ERF: variants seen among roughly 807,000 people sequenced by gnomAD.
The protein encoded by ERF is ETS domain-containing transcription factor ERF.
ERF carries 10 observed loss-of-function variants against 41.6 expected under a neutral mutation model. That is an observed-to-expected ratio of 0.24 (90% CI 0.15 to 0.41). ERF has a LOEUF of 0.41. ERF is among the 10% of genes least tolerant of loss of function. ERF has a pLI of 1.00. For missense variants in ERF, 621 were observed against 763.2 expected, an observed-to-expected ratio of 0.81 and a Z score of 2.19; for synonymous variants, 395 against 342.4, an observed-to-expected ratio of 1.15 and a Z score of -1.70.
chr19:42,254,419 C>G (rs955431567), intron 1 of ERF: 3 of 151,820 alleles, frequency 2.0e-5, no homozygotes, highest in African/African-American at 7.3e-5. Context: ...TCGGCGAGGG[C>G]GGGGGAGCGA....
At position 42,249,606 on chromosome 19, in the gene ERF, G is replaced by A; in HGVS notation, c.506C>T (p.Ser169Leu). 1.2e-6 allele frequency: 2 copies of A among 1,613,622 alleles called. No homozygotes were observed. Among genetic ancestry groups the A allele is most frequent in the Non-Finnish European group, 8.5e-7 (1 of 1,179,882 alleles). The change falls in exon 4 of 4, where the codon TCA (serine) becomes TTA (leucine). Residue 169 changes from serine (S) to leucine (L), a missense_variant. Coordinates refer to ENST00000222329, the MANE Select transcript of ERF (RefSeq NM_006494.4). The surrounding 1 kb of genome is among the most constrained non-coding windows in gnomAD (Gnocchi z 8.6). ...CACCACAGCCGAGAAGAGGGAAGAT[G>A]AAGATGAAGAGCAGGCTGGTGGTGA... ...PRSPPACSSS[S>L]SSLFSAVVAR...
intron 1 of ERF, chr19:42,254,736 C>G: frequency 7.8e-6 from 3 of 386,682 alleles, no homozygotes; most frequent in Non-Finnish European, 9.2e-6. Flanking sequence ...TGCGGGGTCC[C>G]GGTAGGGATA....
chr19:42,248,452 C>G lies in ERF; in HGVS notation c.*13G>C, dbSNP rs1311345116. ...GGGGGGTGCGGGGCACACAGGTCCC[C>G]TGCCCACAGCCCTCAGGAGTCTCGG... On this transcript the variant is annotated 3_prime_UTR_variant, in exon 4 of 4. Coordinates refer to ENST00000222329, the MANE Select transcript of ERF (RefSeq NM_006494.4). The surrounding 1 kb of genome is among the most constrained non-coding windows in gnomAD (Gnocchi z 4.2). The G allele has an allele frequency of 2.0e-6, 3 of 1,480,690 alleles. No individual in the cohort carries two copies. The highest frequency in any genetic ancestry group is 1.8e-6 in the Non-Finnish European group (2 of 1,116,404). The allele number at this position is 1,480,690 out of a possible 1,614,324, so 91.7% of individuals were successfully genotyped here.
intron 1 of ERF, chr19:42,253,903 T>A: frequency 9.4e-7 from 1 of 1,068,676 alleles, no homozygotes; most frequent in Non-Finnish European, 1.1e-6. Flanking sequence ...AGGAAACAAG[T>A]TTGAACAGCG....
Position 42,249,745 on chromosome 19 carries a change from G to A in ERF, c.374-7C>T, listed in dbSNP as rs2036412507. The A allele has an allele frequency of 4.4e-6, 7 of 1,608,182 alleles. No homozygotes were observed. In the East Asian group the frequency reaches 8.9e-5, roughly 21 times the overall value. ...CTCTGGGGCACTGCACCCCCTGGCA[G>A]AAGGGAGACAGTGTCAAGGCCCCTG... On this transcript the variant is annotated splice_polypyrimidine_tract_variant and splice_region_variant and intron_variant, in intron 3 of 3. Coordinates refer to ENST00000222329, the MANE Select transcript of ERF (RefSeq NM_006494.4). This position sits in a 1 kb window ranked among gnomAD's most constrained non-coding sequence, Gnocchi z 8.6.
chr19:42,253,732 C>G, intron 1 of ERF: 1 of 407,154 alleles, frequency 2.5e-6, no homozygotes, highest in Non-Finnish European at 3.3e-6. Context: ...CAGCTCGGAG[C>G]CCTTTAAGAT....
intron 1 of ERF, among the ~76,000 whole-genome samples, chr19:42,251,978 T>C (rs547933056): frequency 2.0e-5 from 3 of 152,200 alleles, no homozygotes; most frequent in East Asian, 3.9e-4. Context: ...CCTCCAGCTG[T>C]TCACAGACCA....
chr19:42,249,733 C>A lies in ERF; in HGVS notation c.379G>T (p.Ala127Ser). ...PFIDVGLAGGAVPQSAPPVPS... is the reference protein window; with the variant it reads ...PFIDVGLAGGSVPQSAPPVPS... The stretch of plus-strand genomic sequence containing the variant: ...ACTGGCGGGGCACTCTGGGGCACTG[C>A]ACCCCCTGGCAGAAGGGAGACAGTG... Residue 127 changes from alanine to serine, a missense_variant, in exon 4 of 4, where the codon GCA (alanine) becomes TCA (serine). By Grantham distance (99) the Ala-to-Ser change is moderately conservative. This residue lies in a region of ERF where 569 missense variants were observed against 625.5 expected (regional missense o/e 0.91). Coordinates refer to ENST00000222329, the MANE Select transcript of ERF (RefSeq NM_006494.4). This position sits in a 1 kb window ranked among gnomAD's most constrained non-coding sequence, Gnocchi z 8.6. 6.2e-7 allele frequency: 1 copy of A among 1,603,814 alleles called. No individual in the cohort carries two copies. The highest frequency in any genetic ancestry group is 8.5e-7 in the Non-Finnish European group (1 of 1,173,486).
rs761176339 is a variant in ERF at position 42,255,036 on chromosome 19, C to T, written c.-37G>A. On this transcript the variant is annotated 5_prime_UTR_variant, in exon 1 of 4. Coordinates refer to ENST00000222329, the MANE Select transcript of ERF (RefSeq NM_006494.4). ...CGGGGCGAAGCGCCCCGATTCCGGG[C>T]CGCGGCTCCCGGCGCCCTCGCTGCC... 46 of 1,372,446 alleles carry T rather than the reference C, an allele frequency of 3.4e-5. No individual in the cohort carries two copies. The highest frequency in any genetic ancestry group is 4.2e-5 in the Non-Finnish European group (45 of 1,063,514). 85.0% of individuals were successfully genotyped at this position (1,372,446 alleles called of 1,614,324 possible). A position where few individuals can be genotyped will look rare whatever the true frequency, so the allele number is the denominator to read the frequency against.
chr19:42,250,609 G>C lies in ERF; in HGVS notation c.23-44C>G. On this transcript the variant is annotated intron_variant, in intron 1 of 3. Transcript: ENST00000222329. This position sits in a 1 kb window ranked among gnomAD's most constrained non-coding sequence, Gnocchi z 5.1. ...GAGTGGCCTGGGGTCAGGCTGCCAA[G>C]TCCAGGGCTCTGGGTCCCATCCCAG... is the stretch of plus-strand genomic sequence containing the variant. 1 of 1,589,020 alleles carries C rather than the reference G, an allele frequency of 6.3e-7. No individual in the cohort carries two copies. Among genetic ancestry groups the C allele is most frequent in the Non-Finnish European group, 8.6e-7 (1 of 1,165,684 alleles).
chr19:42,254,002 C>T (rs886787382), intron 1 of ERF: 1 of 957,726 alleles, frequency 1.0e-6, no homozygotes, highest in Non-Finnish European at 1.2e-6. Flanking sequence ...GACCCCTCCC[C>T]CTGCGCGCTC....
At chr19:42,254,172 G>C (rs967930613) in intron 1 of ERF, among the ~76,000 whole-genome samples, 1 of 151,814 alleles carries the variant, frequency 6.6e-6, no homozygotes, top group African/African-American at 2.4e-5. Flanking sequence ...GGGGAAGAGA[G>C]GGGCGGAGGG....
Position 42,249,800 on chromosome 19 carries a change from T to C in ERF, c.373+27A>G. The C allele has an allele frequency of 6.2e-7, 1 of 1,614,068 alleles. No homozygotes were observed. The highest frequency in any genetic ancestry group is 8.5e-7 in the Non-Finnish European group (1 of 1,179,978). On this transcript the variant is annotated intron_variant, in intron 3 of 3. Coordinates refer to ENST00000222329, the MANE Select transcript of ERF (RefSeq NM_006494.4). The surrounding 1 kb of genome is among the most constrained non-coding windows in gnomAD (Gnocchi z 8.6). Reference sequence around the variant, plus strand: ...AGCCTGAAGGGGCATGTAGACCCTCTCCACACCAACCATCCCTGGTACTCA... The same window carrying C: ...AGCCTGAAGGGGCATGTAGACCCTCCCCACACCAACCATCCCTGGTACTCA...
At position 42,248,482 on chromosome 19, in the gene ERF, C is replaced by G. The variant is rs758014519; in HGVS notation, c.1630G>C (p.Glu544Gln). ...LQHATAQLSL[E>Q]HRDS is the part of the protein sequence containing the mutation. ...CACAGCCCTCAGGAGTCTCGGTGCT[C>G]CAGGGAGAGCTGGGCCGTGGCATGC... Residue 544 changes from glutamate (E) to glutamine (Q), a missense_variant, in exon 4 of 4, where the codon GAG (glutamate) becomes CAG (glutamine). Physicochemically the swap from Glu to Gln is conservative, Grantham distance 29 (BLOSUM62 2). Around this residue, in one of 3 missense-constraint regions of ERF, gnomAD observed 569 missense variants for 625.5 expected, o/e 0.91. Transcript: ENST00000222329. The surrounding 1 kb of genome is among the most constrained non-coding windows in gnomAD (Gnocchi z 4.2). 6.6e-7 allele frequency: 1 copy of G among 1,504,264 alleles called. No individual in the cohort carries two copies. Among genetic ancestry groups the G allele is most frequent in the African/African-American group, 1.4e-5 (1 of 71,300 alleles). The allele number at this position is 1,504,264 out of a possible 1,614,324, so 93.2% of individuals were successfully genotyped here. A position where few individuals can be genotyped will look rare whatever the true frequency, so the allele number is the denominator to read the frequency against.
At position 42,248,585 on chromosome 19, in the gene ERF, C is replaced by G. The variant is rs1348498073; in HGVS notation, c.1527G>C (p.Glu509Asp). Residue 509 changes from glutamate (E) to aspartate (D), a missense_variant, in exon 4 of 4, where the codon GAG becomes GAC. This residue lies in a region of ERF where 569 missense variants were observed against 625.5 expected (regional missense o/e 0.91). Coordinates refer to ENST00000222329, the MANE Select transcript of ERF (RefSeq NM_006494.4). The surrounding 1 kb of genome is among the most constrained non-coding windows in gnomAD (Gnocchi z 4.2). The stretch of plus-strand genomic sequence containing the variant: ...GCCCCTCCCCACGCACCTTCTTGTC[C>G]TCACCCTCATCCTCAAAGCCCCCAG... ...GPAGGFEDEGEDKKVRGEGPG... is the reference protein window; with the variant it reads ...GPAGGFEDEGDDKKVRGEGPG... 6.3e-7 allele frequency: 1 copy of G among 1,586,080 alleles called. No homozygotes were observed. Among genetic ancestry groups the G allele is most frequent in the Admixed American group, 1.8e-5 (1 of 56,430 alleles).
chr19:42,253,793 G>A, intron 1 of ERF: 1 of 808,452 alleles, frequency 1.2e-6, no homozygotes, highest in Non-Finnish European at 1.5e-6. Context: ...AATGGGGTGG[G>A]AATGGGGTGG....
In ERF at chr19:42,248,706, C is replaced by T. The variant is rs990909606; in HGVS notation, c.1406G>A (p.Gly469Asp). 14 of 1,612,384 alleles carry T rather than the reference C, an allele frequency of 8.7e-6. No homozygotes were observed. The highest frequency in any genetic ancestry group is 1.2e-5 in the Non-Finnish European group (14 of 1,179,036). Residue 469 changes from glycine to aspartate, a missense_variant, in exon 4 of 4, where the codon GGC (glycine) becomes GAC (aspartate). Gly to Asp is a moderately conservative substitution (Grantham distance 94, BLOSUM62 -1). Transcript: ENST00000222329. This position sits in a 1 kb window ranked among gnomAD's most constrained non-coding sequence, Gnocchi z 4.2. ...APPAPPKPEP[G>D]EAPGASQCMP... is the part of the protein sequence containing the mutation. ...GCACTGGGATGCCCCGGGTGCCTCG[C>T]CGGGCTCAGGCTTAGGGGGTGCAGG...
In ERF at chr19:42,249,263, C is replaced by T. The variant is rs926581068; in HGVS notation, c.849G>A (p.Leu283=). ...THLAYTPSPT[L]SPMYPSGGGG... ...CGCCACCACTGGGGTACATCGGGCT[C>T]AGCGTGGGCGAGGGAGTGTAGGCCA... The change falls in exon 4 of 4, where the codon CTG becomes CTA. Residue 283 remains leucine (L), a synonymous_variant. Coordinates refer to ENST00000222329, the MANE Select transcript of ERF (RefSeq NM_006494.4). This position sits in a 1 kb window ranked among gnomAD's most constrained non-coding sequence, Gnocchi z 8.6. 2 of 1,610,456 alleles carry T rather than the reference C, an allele frequency of 1.2e-6. No individual in the cohort carries two copies. Among genetic ancestry groups the T allele is most frequent in the Non-Finnish European group, 1.7e-6 (2 of 1,178,414 alleles).
chr19:42,249,153 C>T lies in ERF; in HGVS notation c.959G>A (p.Ser320Asn), dbSNP rs1419256108. ...GGGGCTGAGGTGGTAGTTGTAGACG[C>T]TTTGGGTGTGGGCCTGCAGGTACCG... is the stretch of plus-strand genomic sequence containing the variant. ...MKRYLQAHTQ[S>N]VYNYHLSPRA... Residue 320 changes from serine to asparagine, a missense_variant, in exon 4 of 4, where the codon AGC becomes AAC. Physicochemically the swap from Ser to Asn is conservative, Grantham distance 46 (BLOSUM62 1). This residue lies in a region of ERF where 569 missense variants were observed against 625.5 expected (regional missense o/e 0.91). Transcript: ENST00000222329. This position sits in a 1 kb window ranked among gnomAD's most constrained non-coding sequence, Gnocchi z 8.6. 1 of 1,613,874 alleles carries T rather than the reference C, an allele frequency of 6.2e-7. No homozygotes were observed. Among genetic ancestry groups the T allele is most frequent in the Admixed American group, 1.7e-5 (1 of 60,022 alleles).
Sources: gnomAD v4.1 joint callset for allele counts (sites outside exome capture counted in the v4.1 genomes callset) on GRCh38, gnomAD v4.1.1 for gene constraint, gnomAD v4.1.1 regional missense constraint, Gnocchi (gnomAD v3.1) non-coding constraint, MANE v1.5 for transcripts, NCBI Gene and HGNC (gene_info 2026-07-23, HGNC 2026-07-21) for gene names.